The following TAFA4 variants were observed in gnomAD, a reference collection of about 807,000 sequenced individuals.
TAFA4 encodes TAFA chemokine like family member 4, also known as chemokine-like protein TAFA-4.
Under a neutral mutation model 21.1 loss-of-function variants are expected in TAFA4, and 20 were observed. That is an observed-to-expected ratio of 0.95 (90% CI 0.67 to 1.38). The LOEUF (loss-of-function observed/expected upper bound fraction) is 1.38, where lower values mean the gene tolerates loss of function less well. TAFA4 is among the 40% of genes most tolerant of loss of function. The pLI, the probability that TAFA4 is intolerant of heterozygous loss-of-function variation, is 0.00. For missense variants in TAFA4, 211 were observed against 180.9 expected (o/e 1.17, Z -0.95); for synonymous variants, 71 against 67.4 (o/e 1.05, Z -0.26).
intron 1 of TAFA4, among the ~76,000 whole-genome samples, chr3:68,904,854 G>T (rs1575666277): frequency 6.6e-6 from 1 of 152,214 alleles, no homozygotes; most frequent in East Asian, 1.9e-4. Context: ...CAGTGCCCTG[G>T]GGAATGCCCA....
chr3:68,918,574 G>A (rs1468416353), intron 1 of TAFA4, among the ~76,000 whole-genome samples: 2 of 152,146 alleles, frequency 1.3e-5, no homozygotes, highest in African/African-American at 2.4e-5. Flanking sequence ...GTCTTGCTCT[G>A]TCACCCAAGC....
At position 68,823,190 on chromosome 3, in the gene TAFA4, G is replaced by T. The variant is rs1337671572; in HGVS notation, c.130+57540C>A. ...AGGGGTCGACAGAATTTGGGGAAAT[G>T]GGGTGCTGAACTTGGATGAGATAAA... On this transcript the variant is annotated intron_variant, in intron 3 of 5. Transcript: ENST00000295569. 2.0e-5 allele frequency among the ~76,000 whole-genome samples: 3 copies of T among 152,100 alleles called. No homozygotes were observed. In the East Asian group the frequency reaches 5.8e-4, roughly 29 times the overall value.
intron 1 of TAFA4, among the ~76,000 whole-genome samples, chr3:68,927,719 T>C (rs1443633876): frequency 6.6e-6 from 1 of 151,976 alleles, no homozygotes; most frequent in African/African-American, 2.4e-5. Context: ...GGGAACATGC[T>C]GAGACTCTGT....
intron 1 of TAFA4, among the ~76,000 whole-genome samples, chr3:68,903,303 A>G (rs77912318): frequency 6.6e-6 from 1 of 151,428 alleles, no homozygotes; most frequent in African/African-American, 2.4e-5. Flanking sequence ...CCGGGATGAG[A>G]AAAAAAAATG....
At chr3:68,735,115 T>C (rs1027690623) in intron 5 of TAFA4, among the ~76,000 whole-genome samples, 1 of 152,046 alleles carries the variant, frequency 6.6e-6, no homozygotes, top group Non-Finnish European at 1.5e-5. Flanking sequence ...AGTCTGACTA[T>C]AGAGATCAGG....
At chr3:68,757,933 T>G (rs1334717544) in intron 3 of TAFA4, among the ~76,000 whole-genome samples, 1 of 152,218 alleles carries the variant, frequency 6.6e-6, no homozygotes, top group Non-Finnish European at 1.5e-5. Flanking sequence ...GAATTTTTTT[T>G]TTGTTACAAA....
chr3:68,930,678 C>T (rs940932907), intron 1 of TAFA4, among the ~76,000 whole-genome samples: 5 of 152,196 alleles, frequency 3.3e-5, no homozygotes, highest in Non-Finnish European at 7.3e-5. Context: ...GGACACAAGT[C>T]ATCATTCGTC....
At position 68,932,459 on chromosome 3, in the gene TAFA4, C is replaced by G. The variant is rs2090168116; in HGVS notation, c.-342G>C. ...AAGCCTGAAGCTGCTGCTGGAGAAGCGGCAGCTGAGGCAGGACTCCCGATG... is the reference window on the plus strand; with the variant it reads ...AAGCCTGAAGCTGCTGCTGGAGAAGGGGCAGCTGAGGCAGGACTCCCGATG... On this transcript the variant is annotated 5_prime_UTR_variant, in exon 1 of 6. Transcript: ENST00000295569. The G allele has an allele frequency of 6.6e-6, 1 of 152,350 alleles. No homozygotes were observed. The highest frequency in any genetic ancestry group is 6.5e-5 in the Admixed American group (1 of 15,296). 9.4% of individuals were successfully genotyped at this position (152,350 alleles called of 1,614,324 possible).
intron 3 of TAFA4, among the ~76,000 whole-genome samples, chr3:68,763,068 T>G (rs1419549317): frequency 6.6e-6 from 1 of 152,206 alleles, no homozygotes; most frequent in Admixed American, 6.5e-5. Flanking sequence ...ACAGTGATGT[T>G]TGAGAGCTGC....
chr3:68,929,721 G>A (rs1354496461), intron 1 of TAFA4, among the ~76,000 whole-genome samples: 1 of 152,190 alleles, frequency 6.6e-6, no homozygotes, highest in Admixed American at 6.5e-5. Context: ...AAATTCTAAA[G>A]AGATCTATAA....
At position 68,753,049 on chromosome 3, in the gene TAFA4, C is replaced by G. The variant is rs919807607; in HGVS notation, c.131-31G>C. ...TGGTAATGGGGGAGAAAAACAAACCCAGTGCTGTTAGAAGGAAATGACACC... is the reference window on the plus strand; with the variant it reads ...TGGTAATGGGGGAGAAAAACAAACCGAGTGCTGTTAGAAGGAAATGACACC... On this transcript the variant is annotated intron_variant, in intron 3 of 5. Transcript: ENST00000295569. 9 of 1,600,824 alleles carry G rather than the reference C, an allele frequency of 5.6e-6. 1 individual carries two copies. The Admixed American group carries it at 1.4e-4, about 24-fold the overall frequency.
chr3:68,913,511 G>A (rs978166967), intron 1 of TAFA4: 3 of 152,230 alleles, frequency 2.0e-5, no homozygotes, highest in African/African-American at 7.2e-5. Flanking sequence ...GCGGAAAGAT[G>A]TGATGGAAGG....
chr3:68,913,150 G>A (rs911325002), intron 1 of TAFA4, among the ~76,000 whole-genome samples: 14 of 152,190 alleles, frequency 9.2e-5, no homozygotes, highest in South Asian at 4.1e-4. Context: ...AATAAATAAT[G>A]AATGCAATGG....
chr3:68,773,939 C>T (rs114441654), intron 3 of TAFA4, among the ~76,000 whole-genome samples: 2,107 of 152,248 alleles, frequency 0.014, 52 homozygotes, highest in African/African-American at 0.048. Context: ...AGATCAGAAC[C>T]GTATTGTCAA....
intron 3 of TAFA4, among the ~76,000 whole-genome samples, chr3:68,872,591 G>A (rs1575651601): frequency 6.6e-6 from 1 of 151,974 alleles, no homozygotes; most frequent in African/African-American, 2.4e-5. Context: ...GAATGTTTGG[G>A]GTGATCGATG....
intron 3 of TAFA4, among the ~76,000 whole-genome samples, chr3:68,802,757 A>G (rs1703603356): frequency 6.6e-6 from 1 of 152,226 alleles, no homozygotes; most frequent in Non-Finnish European, 1.5e-5. Context: ...CCGCACAGTA[A>G]CATTTCTAAG....
At chr3:68,766,011 G>A (rs1702847717) in intron 3 of TAFA4, among the ~76,000 whole-genome samples, 1 of 152,068 alleles carries the variant, frequency 6.6e-6, no homozygotes, top group Non-Finnish European at 1.5e-5. Flanking sequence ...ACAATGCTGG[G>A]AGAAAGTCTC....
At position 68,807,786 on chromosome 3, in the gene TAFA4, T is replaced by C. The variant is rs115513861; in HGVS notation, c.131-54768A>G. Among the ~76,000 whole-genome samples the C allele has an allele frequency of 4.6e-3, 699 of 152,286 alleles. 3 individuals carry two copies. Among genetic ancestry groups the C allele is most frequent in the African/African-American group, 0.016 (662 of 41,562 alleles). On this transcript the variant is annotated intron_variant, in intron 3 of 5. Transcript: ENST00000295569. Reference sequence around the variant, plus strand: ...ATGTAGCTGCATCACCTACATAAGATTGCTTTGTATTAAGTTCACCAACCT... The same window carrying C: ...ATGTAGCTGCATCACCTACATAAGACTGCTTTGTATTAAGTTCACCAACCT...
At chr3:68,761,908 T>G (rs552488834) in intron 3 of TAFA4, among the ~76,000 whole-genome samples, 2 of 152,282 alleles carry the variant, frequency 1.3e-5, no homozygotes, top group South Asian at 4.1e-4. Flanking sequence ...CTCCAAAGTT[T>G]CGGGTTTGAA....
Sources: allele counts gnomAD v4.1 joint callset (sites outside exome capture counted in the v4.1 genomes callset), GRCh38; gene constraint gnomAD v4.1.1; transcripts MANE v1.5; gene names NCBI Gene and HGNC (gene_info 2026-07-23, HGNC 2026-07-21).